Variants in PIGU observed in about 807,000 individuals in gnomAD.
PIGU encodes the protein phosphatidylinositol glycan anchor biosynthesis class U, also known as GPI-anchor transamidase component PIGU.
A neutral mutation model predicts 49.9 loss-of-function variants in PIGU; 24 were observed. That is an observed-to-expected ratio of 0.48 (90% CI 0.35 to 0.68). The LOEUF is 0.68. Among genes scored for constraint, PIGU ranks in the 30% least tolerant of loss-of-function variants. PIGU has a pLI of 0.01. For synonymous variants in PIGU, 220 were observed against 205.7 expected (o/e 1.07, Z -0.59); for missense variants, 490 against 532.6 (o/e 0.92, Z 0.79).
chr20:34,606,847 C>T (rs1045870046), intron 7 of PIGU, among the ~76,000 whole-genome samples: 29 of 152,128 alleles, frequency 1.9e-4, no homozygotes, highest in Non-Finnish European at 7.4e-5. Flanking sequence ...CTGCAACCTC[C>T]GTCTCCCGGG....
At chr20:34,617,004 G>A (rs1171642915) in intron 6 of PIGU, among the ~76,000 whole-genome samples, 2 of 152,216 alleles carry the variant, frequency 1.3e-5, no homozygotes, top group African/African-American at 4.8e-5. Flanking sequence ...CAGCTACTCA[G>A]GAGGCTGAGG....
chr20:34,601,548 A>C (rs1039853814), intron 7 of PIGU, among the ~76,000 whole-genome samples: 13 of 152,166 alleles, frequency 8.5e-5, no homozygotes, highest in African/African-American at 3.1e-4. Context: ...ATGTCCAACG[A>C]AATCAGGGCC....
chr20:34,652,076 T>G (rs186133903), intron 2 of PIGU, among the ~76,000 whole-genome samples: 1 of 152,204 alleles, frequency 6.6e-6, no homozygotes, highest in Non-Finnish European at 1.5e-5. Flanking sequence ...CATGGCTCAC[T>G]GCAGCTTAGA....
At position 34,560,929 on chromosome 20, in the gene PIGU, G is replaced by A. The variant is rs772578844; in HGVS notation, c.1245C>T (p.Tyr415=). 114 of 1,612,962 alleles carry A rather than the reference G, an allele frequency of 7.1e-5. No homozygotes were observed. Among genetic ancestry groups the A allele is most frequent in the Non-Finnish European group, 9.2e-5 (108 of 1,179,354 alleles). ...CGGTCAAGTAGAGGCCATGTGTGAG[G>A]TAGTACTCCCGCCGCAGGAAGGCAT... ...YFYAFLRREY[Y]LTHGLYLTAK... Residue 415 remains tyrosine, a synonymous_variant, in exon 12 of 12, where the codon TAC becomes TAT. Transcript: ENST00000217446.
intron 2 of PIGU, among the ~76,000 whole-genome samples, chr20:34,652,205 A>G (rs1568659441): frequency 6.6e-6 from 1 of 152,028 alleles, no homozygotes; most frequent in East Asian, 1.9e-4. Context: ...GAGTCTCACT[A>G]TGTTGCCCAG....
At chr20:34,601,102 T>G (rs1262754934) in intron 7 of PIGU, among the ~76,000 whole-genome samples, 1 of 152,132 alleles carries the variant, frequency 6.6e-6, no homozygotes, top group African/African-American at 2.4e-5. Context: ...AAATGAGGTT[T>G]CACTCTTTGC....
intron 7 of PIGU, among the ~76,000 whole-genome samples, chr20:34,593,645 T>C (rs1192067662): frequency 6.6e-6 from 1 of 152,238 alleles, no homozygotes; most frequent in Non-Finnish European, 1.5e-5. Flanking sequence ...TCAATGATGC[T>C]AGGACAACAA....
At chr20:34,648,593 G>A (rs1273968530) in intron 2 of PIGU, among the ~76,000 whole-genome samples, 1 of 152,148 alleles carries the variant, frequency 6.6e-6, no homozygotes, top group Non-Finnish European at 1.5e-5. Flanking sequence ...CTGTCGGCCA[G>A]GCAGGAGTGC....
intron 4 of PIGU, among the ~76,000 whole-genome samples, chr20:34,642,383 A>G (rs999177963): frequency 6.6e-6 from 1 of 151,974 alleles, no homozygotes; most frequent in African/African-American, 2.4e-5. Flanking sequence ...CTAATTTTTT[A>G]AAGAATTTTT....
At chr20:34,564,476 A>G (rs1276980876) in intron 11 of PIGU, among the ~76,000 whole-genome samples, 1 of 152,254 alleles carries the variant, frequency 6.6e-6, no homozygotes, top group Non-Finnish European at 1.5e-5. Context: ...GACCTGGGCA[A>G]CAGAGCAAAA....
At chr20:34,589,104 TACACACACACAC>T (rs11469162) in intron 7 of PIGU, among the ~76,000 whole-genome samples, 22,857 of 145,932 alleles carry the variant, frequency 0.16, 2,233 homozygotes, top group East Asian at 0.35. Context: ...TACTATTATT[TACACACACACAC>T]ACACACACAC....
intron 7 of PIGU, among the ~76,000 whole-genome samples, chr20:34,601,323 G>A (rs576699248): frequency 2.9e-4 from 44 of 152,214 alleles, no homozygotes; most frequent in Admixed American, 2.2e-3. Flanking sequence ...GCCCTAAAAC[G>A]ATAAAGTAAT....
intron 11 of PIGU, among the ~76,000 whole-genome samples, chr20:34,572,744 G>A (rs1983066201): frequency 1.3e-5 from 2 of 152,210 alleles, no homozygotes; most frequent in African/African-American, 2.4e-5. Flanking sequence ...ACCACTGGAT[G>A]TTACAGAGGT....
chr20:34,565,361 C>G (rs1982703069), intron 11 of PIGU, among the ~76,000 whole-genome samples: 1 of 152,034 alleles, frequency 6.6e-6, no homozygotes, highest in African/African-American at 2.4e-5. Context: ...AAGTGATTCT[C>G]CCGCCTCAGC....
intron 5 of PIGU, among the ~76,000 whole-genome samples, chr20:34,635,238 C>T (rs890714452): frequency 6.6e-6 from 1 of 152,352 alleles, no homozygotes; most frequent in East Asian, 1.9e-4. Flanking sequence ...ACATTTTCCT[C>T]AGTCAGGCTC....
intron 7 of PIGU, among the ~76,000 whole-genome samples, chr20:34,598,602 T>C (rs915624763): frequency 3.3e-5 from 5 of 152,246 alleles, no homozygotes; most frequent in African/African-American, 1.2e-4. Context: ...CAAACTATTC[T>C]AGAAGCTCCA....
At chr20:34,631,800 TTTTTTTTTTTTTTTTTA>T (rs1568649574) in intron 6 of PIGU, among the ~76,000 whole-genome samples, 1 of 31,682 alleles carries the variant, frequency 3.2e-5, no homozygotes, top group African/African-American at 1.3e-4. Flanking sequence ...TTTTTTTTTT[TTTTTTTTTTTTTTTTTA>T]GTAGAGACGG....
intron 2 of PIGU, among the ~76,000 whole-genome samples, chr20:34,648,250 T>TAA (rs1986419639): frequency 1.3e-5 from 1 of 77,618 alleles, no homozygotes; most frequent in African/African-American, 5.5e-5. Context: ...AGACCCTGTC[T>TAA]CAAAAAAAAA....
At chr20:34,578,572 A>G (rs1983330393) in intron 10 of PIGU, among the ~76,000 whole-genome samples, 1 of 152,268 alleles carries the variant, frequency 6.6e-6, no homozygotes. Context: ...GAAGGAAACC[A>G]AGTGCAAAGA....
Sources: allele counts gnomAD v4.1 joint callset (sites outside exome capture counted in the v4.1 genomes callset), GRCh38; gene constraint gnomAD v4.1.1; transcripts MANE v1.5; gene names NCBI Gene and HGNC (gene_info 2026-07-23, HGNC 2026-07-21).